The following FHIT variants were observed in gnomAD, a reference collection of about 807,000 sequenced individuals.
FHIT encodes bis(5'-adenosyl)-triphosphatase.
FHIT carries 19 observed loss-of-function variants against 17.9 expected under a neutral mutation model. That is an observed-to-expected ratio of 1.06 (90% confidence interval 0.74 to 1.56). The LOEUF is 1.56. Among genes scored for constraint, FHIT ranks in the 40% most tolerant of loss-of-function variants. The probability of loss-of-function intolerance (pLI) is 0.00; values close to 1 mark genes in which losing one functional copy is unlikely to be tolerated. For missense variants in FHIT, 248 were observed against 189.2 expected, an observed-to-expected ratio of 1.31 and a Z score of -1.82; for synonymous variants, 81 against 69.7, an observed-to-expected ratio of 1.16 and a Z score of -0.81.
intron 5 of FHIT, among the ~76,000 whole-genome samples, chr3:60,069,820 C>T (rs1228360824): frequency 6.6e-6 from 1 of 152,172 alleles, no homozygotes; most frequent in Non-Finnish European, 1.5e-5. Flanking sequence ...GGGGTTTACA[C>T]CTTTCCAAGC....
At chr3:60,893,191 G>T (rs142746181) in intron 3 of FHIT, among the ~76,000 whole-genome samples, 74 of 152,262 alleles carry the variant, frequency 4.9e-4, no homozygotes, top group South Asian at 1.2e-3. Context: ...GACACACGGA[G>T]AAGAAACTCC....
intron 8 of FHIT, among the ~76,000 whole-genome samples, chr3:59,779,208 A>G (rs866725292): frequency 1.3e-5 from 2 of 152,198 alleles, no homozygotes; most frequent in African/African-American, 2.4e-5. Context: ...CTAGAAAGAG[A>G]TGCCATCATT....
chr3:61,113,620 C>T (rs986783734), intron 2 of FHIT, among the ~76,000 whole-genome samples: 1 of 152,152 alleles, frequency 6.6e-6, no homozygotes, highest in East Asian at 1.9e-4. Context: ...GTTCTAGGTA[C>T]CTCTCTGTCA....
chr3:61,232,850 CACATAATGGA>C (rs1167193067), intron 1 of FHIT, among the ~76,000 whole-genome samples: 3 of 152,106 alleles, frequency 2.0e-5, no homozygotes, highest in African/African-American at 7.2e-5. Context: ...ATAGAATATT[CACATAATGGA>C]ACATTATATA....
rs555164389 is a variant in FHIT, at chr3:61,026,840, C to A, written c.-111+15207G>T. 2.4e-3 allele frequency among the ~76,000 whole-genome samples: 371 copies of A among 152,158 alleles called. 3 individuals carry two copies. The highest frequency in any genetic ancestry group is 8.2e-3 in the African/African-American group (342 of 41,532). Reference sequence around the variant, plus strand: ...TAAAAAGCAGAGCTAGAATTCAAACCTCACCTTCCCACATCCTAGCTCTGA... The same window carrying A: ...TAAAAAGCAGAGCTAGAATTCAAACATCACCTTCCCACATCCTAGCTCTGA... On this transcript the variant is annotated intron_variant, in intron 3 of 9. Coordinates refer to ENST00000492590, the MANE Select transcript of FHIT (RefSeq NM_002012.4).
At chr3:60,736,868 A>G (rs2042144057) in intron 4 of FHIT, among the ~76,000 whole-genome samples, 1 of 152,242 alleles carries the variant, frequency 6.6e-6, no homozygotes, top group African/African-American at 2.4e-5. Context: ...TGACCATTAT[A>G]AGAAATCCAT....
At chr3:61,105,369 G>A (rs1457017478) in intron 2 of FHIT, among the ~76,000 whole-genome samples, 3 of 152,030 alleles carry the variant, frequency 2.0e-5, no homozygotes, top group Non-Finnish European at 4.4e-5. Context: ...TGGACTGTGT[G>A]CTGTAACTCT....
chr3:60,156,105 GC>G (rs1700677297), intron 5 of FHIT, among the ~76,000 whole-genome samples: 1 of 152,258 alleles, frequency 6.6e-6, no homozygotes, highest in Admixed American at 6.5e-5. Context: ...TGTAATCCCA[GC>G]ACTTTGGGAG....
intron 2 of FHIT, among the ~76,000 whole-genome samples, chr3:61,156,431 C>G (rs2037536209): frequency 6.6e-6 from 1 of 152,102 alleles, no homozygotes; most frequent in South Asian, 2.1e-4. Flanking sequence ...ACTTCCTCTT[C>G]ATAACATTTA....
intron 5 of FHIT, among the ~76,000 whole-genome samples, chr3:60,188,642 A>G (rs956218155): frequency 6.6e-5 from 10 of 152,308 alleles, no homozygotes; most frequent in African/African-American, 2.4e-4. Context: ...AAAGAAATTA[A>G]TTCAGCTTTT....
intron 7 of FHIT, among the ~76,000 whole-genome samples, chr3:59,984,051 C>G (rs1330784804): frequency 1.3e-5 from 2 of 152,132 alleles, no homozygotes; most frequent in African/African-American, 4.8e-5. Flanking sequence ...GAATAATACT[C>G]TTGCCTCTTA....
chr3:60,152,556 T>A (rs534274749), intron 5 of FHIT, among the ~76,000 whole-genome samples: 4 of 152,288 alleles, frequency 2.6e-5, no homozygotes, highest in African/African-American at 9.6e-5. Context: ...GAGGATCAAC[T>A]AACAGGCTGC....
At chr3:59,827,041 T>C (rs1701002585) in intron 8 of FHIT, among the ~76,000 whole-genome samples, 1 of 152,218 alleles carries the variant, frequency 6.6e-6, no homozygotes, top group Non-Finnish European at 1.5e-5. Flanking sequence ...ATGCCTTCTA[T>C]GTCAGTCATT....
intron 5 of FHIT, among the ~76,000 whole-genome samples, chr3:60,040,396 G>A (rs763569739): frequency 1.3e-5 from 2 of 151,900 alleles, no homozygotes; most frequent in African/African-American, 2.4e-5. Flanking sequence ...CACCCACCTC[G>A]GCCTCCCAAA....
At chr3:60,084,737 A>C (rs1703427578) in intron 5 of FHIT, among the ~76,000 whole-genome samples, 1 of 152,192 alleles carries the variant, frequency 6.6e-6, no homozygotes, top group African/African-American at 2.4e-5. Context: ...AATTTCCTTA[A>C]AACTGCTGTG....
chr3:60,589,849 G>A (rs1453068321), intron 4 of FHIT, among the ~76,000 whole-genome samples: 1 of 152,062 alleles, frequency 6.6e-6, no homozygotes, highest in African/African-American at 2.4e-5. Flanking sequence ...AATGTAACTT[G>A]GCAGCTATAT....
chr3:60,193,924 A>C (rs1702510879), intron 5 of FHIT, among the ~76,000 whole-genome samples: 1 of 152,184 alleles, frequency 6.6e-6, no homozygotes, highest in Non-Finnish European at 1.5e-5. Context: ...TTCCAATCTA[A>C]AGAACTTGAA....
intron 8 of FHIT, among the ~76,000 whole-genome samples, chr3:59,796,519 C>T (rs1006638622): frequency 2.6e-5 from 4 of 152,194 alleles, no homozygotes; most frequent in Admixed American, 2.6e-4. Context: ...TGATTCACTT[C>T]CTTACTCTGT....
Position 60,935,981 on chromosome 3 carries a change from A to G in FHIT, c.-111+106066T>C, listed in dbSNP as rs116662756. 1.7e-3 allele frequency among the ~76,000 whole-genome samples: 258 copies of G among 152,328 alleles called. 1 individual carries two copies. The highest frequency in any genetic ancestry group is 5.9e-3 in the African/African-American group (247 of 41,572). On this transcript the variant is annotated intron_variant, in intron 3 of 9. Transcript: ENST00000492590. ...ATATTTGTTAAGTGAGTAAATGAATATGGTACTAAAATGTGCATACTGACA... is the reference window on the plus strand; with the variant it reads ...ATATTTGTTAAGTGAGTAAATGAATGTGGTACTAAAATGTGCATACTGACA...
Sources: gnomAD v4.1 joint callset for allele counts (sites outside exome capture counted in the v4.1 genomes callset) on GRCh38, gnomAD v4.1.1 for gene constraint, MANE v1.5 for transcripts, NCBI Gene and HGNC (gene_info 2026-07-23, HGNC 2026-07-21) for gene names.